Variants in MAPK10 observed in about 807,000 individuals in gnomAD.
MAPK10 encodes the protein mitogen-activated protein kinase 10.
In MAPK10, 25 loss-of-function variants were observed where a neutral mutation model predicts 59.3. The ratio of observed to expected loss-of-function variants is 0.42; its 90% CI spans 0.31 to 0.59. The LOEUF (loss-of-function observed/expected upper bound fraction) is 0.59. Ranked by LOEUF, MAPK10 falls within the 20% of genes least tolerant of loss-of-function variation. The pLI is 0.15. For missense variants in MAPK10, 351 were observed against 568.9 expected, an observed-to-expected ratio of 0.62 and a Z score of 3.90; for synonymous variants, 190 against 200.5, an observed-to-expected ratio of 0.95 and a Z score of 0.44.
intron 2 of MAPK10, among the ~76,000 whole-genome samples, chr4:86,256,083 T>G (rs1366207948): frequency 6.6e-6 from 1 of 152,212 alleles, no homozygotes; most frequent in African/African-American, 2.4e-5. Flanking sequence ...TTTCTACATT[T>G]AGGAACCTCA....
chr4:86,421,765 G>C (rs137962654), intron 1 of MAPK10, among the ~76,000 whole-genome samples: 2 of 152,328 alleles, frequency 1.3e-5, no homozygotes, highest in African/African-American at 4.8e-5. Context: ...CAGCCAGAGT[G>C]AGTTTTTAAA....
At chr4:86,059,468 T>C (rs2045295432) in intron 11 of MAPK10, among the ~76,000 whole-genome samples, 1 of 152,204 alleles carries the variant, frequency 6.6e-6, no homozygotes, top group Non-Finnish European at 1.5e-5. Context: ...CTCATGTTTC[T>C]TAAGTGTTTA....
rs541848316 is a variant in MAPK10 at position 86,285,577 on chromosome 4, T to A, written c.-7+68953A>T. On this transcript the variant is annotated intron_variant, in intron 2 of 13. Transcript: ENST00000641462. ...CGTACAACTCAGATAGATTTACCTATCTGAACAGAGCAATTATATGAGTGT... is the reference window on the plus strand; with the variant it reads ...CGTACAACTCAGATAGATTTACCTAACTGAACAGAGCAATTATATGAGTGT... Among the ~76,000 whole-genome samples, 4 of 152,254 alleles carry A rather than the reference T, an allele frequency of 2.6e-5. No homozygotes were observed. The South Asian group carries it at 8.3e-4, about 32-fold the overall frequency.
chr4:86,067,639 C>G lies in MAPK10; in HGVS notation c.985+134G>C, dbSNP rs2148994213. 3 of 757,578 alleles carry G rather than the reference C, an allele frequency of 4.0e-6. No individual in the cohort carries two copies. The East Asian group carries it at 8.2e-5, about 21-fold the overall frequency. The allele number at this position is 757,578 out of a possible 1,614,324, so 46.9% of individuals were successfully genotyped here. A position where few individuals can be genotyped will look rare whatever the true frequency, so the allele number is the denominator to read the frequency against. On this transcript the variant is annotated intron_variant, in intron 10 of 13. Transcript: ENST00000641462. ...TTCAAAAATACCACCCTATATCCCA[C>G]AAAAATGTACGATTATCATGTGTCA...
chr4:86,064,456 G>A (rs2046338623), intron 10 of MAPK10, 66 bp from the exon 11 acceptor site: 2 of 1,510,834 alleles, frequency 1.3e-6, no homozygotes, highest in Non-Finnish European at 9.2e-7. Flanking sequence ...TTGTCAGAGA[G>A]GAAATTTAAG....
At chr4:86,226,290 G>A (rs1035243698) in intron 2 of MAPK10, among the ~76,000 whole-genome samples, 1 of 152,138 alleles carries the variant, frequency 6.6e-6, no homozygotes, top group Non-Finnish European at 1.5e-5. Context: ...AAATAGGCTA[G>A]GCTTACTCTC....
At chr4:86,151,067 T>G (rs1338115194) in intron 4 of MAPK10, among the ~76,000 whole-genome samples, 1 of 152,050 alleles carries the variant, frequency 6.6e-6, no homozygotes, top group African/African-American at 2.4e-5. Context: ...CATCAGTCAA[T>G]GCAAGACAGA....
chr4:86,252,030 T>C (rs1199355831), intron 2 of MAPK10, among the ~76,000 whole-genome samples: 1 of 117,604 alleles, frequency 8.5e-6, no homozygotes, highest in Non-Finnish European at 1.6e-5. Flanking sequence ...GTTGTTTTTT[T>C]CTTGTAAATT....
intron 9 of MAPK10, chr4:86,095,413 T>A (rs1232290469): frequency 6.6e-6 from 1 of 151,904 alleles, no homozygotes; most frequent in African/African-American, 2.4e-5. Flanking sequence ...ATTATGATAG[T>A]ATTATCACAT....
At chr4:86,188,425 T>TA (rs534234002) in intron 3 of MAPK10, among the ~76,000 whole-genome samples, 1 of 152,224 alleles carries the variant, frequency 6.6e-6, no homozygotes, top group Admixed American at 6.5e-5. Context: ...CCTGACTTTT[T>TA]AATGCTCACC....
At chr4:86,235,442 T>G (rs1201943574) in intron 2 of MAPK10, among the ~76,000 whole-genome samples, 1 of 152,222 alleles carries the variant, frequency 6.6e-6, no homozygotes, top group Non-Finnish European at 1.5e-5. Flanking sequence ...CATACAGGTG[T>G]GCTCACCTTG....
chr4:86,289,556 C>A (rs1165217618), intron 2 of MAPK10, among the ~76,000 whole-genome samples: 1 of 150,112 alleles, frequency 6.7e-6, no homozygotes, highest in East Asian at 1.9e-4. Flanking sequence ...AATTATGTTT[C>A]TATATTTATA....
At chr4:86,566,642 G>T (rs888754180) in intron 1 of MAPK10, among the ~76,000 whole-genome samples, 1 of 151,986 alleles carries the variant, frequency 6.6e-6, no homozygotes, top group Non-Finnish European at 1.5e-5. Context: ...TTGAACGCAG[G>T]TGACGGAGTT....
intron 2 of MAPK10, among the ~76,000 whole-genome samples, chr4:86,224,403 G>T (rs1445130960): frequency 6.6e-6 from 1 of 152,200 alleles, no homozygotes; most frequent in Non-Finnish European, 1.5e-5. Flanking sequence ...TATATTAACT[G>T]AAAGCTTAAG....
At chr4:86,270,286 T>C (rs930829326) in intron 2 of MAPK10, among the ~76,000 whole-genome samples, 1 of 152,014 alleles carries the variant, frequency 6.6e-6, no homozygotes, top group Non-Finnish European at 1.5e-5. Context: ...AACATTTTAG[T>C]ATATTTCTTG....
At chr4:86,555,549 T>C (rs1018170395) in intron 1 of MAPK10, among the ~76,000 whole-genome samples, 2 of 152,210 alleles carry the variant, frequency 1.3e-5, no homozygotes, top group East Asian at 3.8e-4. Flanking sequence ...TAACTTACTT[T>C]CTTATATCAA....
chr4:86,494,572 G>A (rs1158185448), intron 1 of MAPK10, among the ~76,000 whole-genome samples: 3 of 152,170 alleles, frequency 2.0e-5, no homozygotes, highest in Non-Finnish European at 2.9e-5. Flanking sequence ...ACGGCTGGGC[G>A]TGGTGGCTCA....
chr4:86,311,070 A>ACACACG (rs1375322151), intron 2 of MAPK10, among the ~76,000 whole-genome samples: 28 of 151,040 alleles, frequency 1.9e-4, no homozygotes, highest in African/African-American at 6.6e-4. Context: ...ACACACACAT[A>ACACACG]CATGCACCCC....
At chr4:86,337,081 G>A (rs1343211771) in intron 2 of MAPK10, among the ~76,000 whole-genome samples, 1 of 152,182 alleles carries the variant, frequency 6.6e-6, no homozygotes, top group Non-Finnish European at 1.5e-5. Flanking sequence ...GAGCCACCAC[G>A]CCTGGCCAGG....
Sources: gnomAD v4.1 joint callset for allele counts (sites outside exome capture counted in the v4.1 genomes callset) on GRCh38, gnomAD v4.1.1 for gene constraint, MANE v1.5 for transcripts, NCBI Gene and HGNC (gene_info 2026-07-23, HGNC 2026-07-21) for gene names.